CDH12: variants seen among roughly 807,000 people sequenced by gnomAD.
The protein encoded by CDH12 is cadherin-12.
CDH12 carries 41 observed loss-of-function variants against 74.1 expected under a neutral mutation model. That is an observed-to-expected ratio of 0.55 (90% CI 0.43 to 0.72). The LOEUF (loss-of-function observed/expected upper bound fraction) is 0.72, where lower values mean the gene tolerates loss of function less well. Ranked by LOEUF, CDH12 falls within the 30% of genes least tolerant of loss-of-function variation. CDH12 has a pLI of 0.00. For synonymous variants in CDH12, 399 were observed against 355.0 expected, an observed-to-expected ratio of 1.12 and a Z score of -1.39; for missense variants, 945 against 977.2, an observed-to-expected ratio of 0.97 and a Z score of 0.44.
intron 1 of CDH12, among the ~76,000 whole-genome samples, chr5:22,524,535 T>C (rs139274592): frequency 6.7e-4 from 102 of 152,276 alleles, no homozygotes; most frequent in African/African-American, 2.4e-3. Flanking sequence ...CATGCATATA[T>C]TATATAAAAC....
chr5:21,933,092 T>C (rs972584521), intron 6 of CDH12, among the ~76,000 whole-genome samples: 8 of 151,882 alleles, frequency 5.3e-5, no homozygotes, highest in African/African-American at 1.9e-4. Context: ...ACATAACAAG[T>C]GGAAAATGTT....
chr5:21,835,925 G>A (rs1328544773), intron 8 of CDH12, among the ~76,000 whole-genome samples: 1 of 151,688 alleles, frequency 6.6e-6, no homozygotes, highest in Non-Finnish European at 1.5e-5. Context: ...TGGACATCTT[G>A]TAGTCCTTCT....
At chr5:22,386,607 G>T (rs181467567) in intron 3 of CDH12, among the ~76,000 whole-genome samples, 1 of 151,758 alleles carries the variant, frequency 6.6e-6, no homozygotes, top group Non-Finnish European at 1.5e-5. Flanking sequence ...ATTATTCTTA[G>T]TTTCCTGCTA....
chr5:22,261,592 T>G (rs1385722770), intron 3 of CDH12, among the ~76,000 whole-genome samples: 1 of 152,088 alleles, frequency 6.6e-6, no homozygotes, highest in East Asian at 1.9e-4. Flanking sequence ...TAAATTTGTT[T>G]TGCCAATTTT....
At chr5:22,214,747 C>T (rs930512195) in intron 3 of CDH12, among the ~76,000 whole-genome samples, 3 of 152,308 alleles carry the variant, frequency 2.0e-5, no homozygotes, top group African/African-American at 4.8e-5. Flanking sequence ...GCACACGAAA[C>T]TTTGTGCCAT....
At chr5:22,053,915 G>C (rs901011677) in intron 5 of CDH12, among the ~76,000 whole-genome samples, 6 of 152,006 alleles carry the variant, frequency 3.9e-5, no homozygotes, top group African/African-American at 1.4e-4. Flanking sequence ...AAGTCACCAA[G>C]AATCATCTTC....
At chr5:21,775,408 G>A (rs564866648) in intron 11 of CDH12, among the ~76,000 whole-genome samples, 7 of 152,236 alleles carry the variant, frequency 4.6e-5, no homozygotes, top group South Asian at 4.1e-4. Flanking sequence ...CACAGGTAGA[G>A]GAGATAGAAT....
At chr5:21,898,185 G>T (rs1579929679) in intron 6 of CDH12, among the ~76,000 whole-genome samples, 1 of 151,998 alleles carries the variant, frequency 6.6e-6, no homozygotes, top group Non-Finnish European at 1.5e-5. Flanking sequence ...GGGCCTTTTA[G>T]TATACATTAA....
At chr5:22,332,056 A>C (rs938834913) in intron 3 of CDH12, among the ~76,000 whole-genome samples, 1 of 152,182 alleles carries the variant, frequency 6.6e-6, no homozygotes, top group Non-Finnish European at 1.5e-5. Flanking sequence ...ACTGACCTTA[A>C]AAAGGAGATA....
intron 2 of CDH12, among the ~76,000 whole-genome samples, chr5:22,463,094 A>C (rs2126589324): frequency 6.6e-6 from 1 of 152,330 alleles, no homozygotes; most frequent in African/African-American, 2.4e-5. Flanking sequence ...TCAAGAAAGT[A>C]TCCAAACTAA....
At chr5:22,118,789 A>C (rs1426493976) in intron 4 of CDH12, among the ~76,000 whole-genome samples, 1 of 152,042 alleles carries the variant, frequency 6.6e-6, no homozygotes, top group Non-Finnish European at 1.5e-5. Flanking sequence ...TCTGCATCAT[A>C]CATCTGAACG....
At chr5:22,737,459 A>G (rs1287313134) in intron 1 of CDH12, among the ~76,000 whole-genome samples, 1 of 152,020 alleles carries the variant, frequency 6.6e-6, no homozygotes, top group Non-Finnish European at 1.5e-5. Flanking sequence ...TAACTGATTA[A>G]AAGTATTAGT....
chr5:22,337,933 G>A (rs1739663133), intron 3 of CDH12, among the ~76,000 whole-genome samples: 1 of 152,164 alleles, frequency 6.6e-6, no homozygotes, highest in African/African-American at 2.4e-5. Context: ...ATGCTTGTGA[G>A]GGTGTGGAGG....
intron 6 of CDH12, among the ~76,000 whole-genome samples, chr5:21,873,967 G>A (rs1023037152): frequency 6.6e-6 from 1 of 152,088 alleles, no homozygotes; most frequent in African/African-American, 2.4e-5. Context: ...AGTATTCCAT[G>A]GTGTGTTTGT....
intron 1 of CDH12, among the ~76,000 whole-genome samples, chr5:22,566,497 CA>C (rs753895344): frequency 3.4e-4 from 52 of 152,152 alleles, no homozygotes; most frequent in Non-Finnish European, 7.1e-4. Context: ...CCTCAGCTCC[CA>C]AAGTGCTGGG....
At chr5:22,235,854 C>A (rs1015878489) in intron 3 of CDH12, among the ~76,000 whole-genome samples, 3 of 152,124 alleles carry the variant, frequency 2.0e-5, no homozygotes, top group African/African-American at 7.2e-5. Flanking sequence ...ATTGGGTGAA[C>A]ATCACAGTGT....
chr5:21,833,034 A>ATGTTATG (rs1181607554), intron 8 of CDH12, among the ~76,000 whole-genome samples: 1 of 56,292 alleles, frequency 1.8e-5, no homozygotes, highest in African/African-American at 8.0e-5. Context: ...TATATAATAT[A>ATGTTATG]TAATATATAA....
At position 22,039,586 on chromosome 5, in the gene CDH12, A is replaced by G. The variant is rs115927016; in HGVS notation, c.231+38860T>C. On this transcript the variant is annotated intron_variant, in intron 5 of 14. Transcript: ENST00000382254. ...AGGATCAGCTCTACTAAATATTCCC[A>G]TTTTGGATAAAGTGAGAATAAGAGG... is the stretch of plus-strand genomic sequence containing the variant. 4.0e-3 allele frequency among the ~76,000 whole-genome samples: 610 copies of G among 152,208 alleles called. 8 individuals are homozygous for G. The highest frequency in any genetic ancestry group is 0.014 in the Middle Eastern group (4 of 294).
chr5:21,977,415 A>C (rs529382287), intron 5 of CDH12, among the ~76,000 whole-genome samples: 1 of 152,224 alleles, frequency 6.6e-6, no homozygotes, highest in East Asian at 1.9e-4. Flanking sequence ...TTTGCTTTCA[A>C]ATTTATCTAA....
Sources: gnomAD v4.1 joint callset for allele counts (sites outside exome capture counted in the v4.1 genomes callset) on GRCh38, gnomAD v4.1.1 for gene constraint, MANE v1.5 for transcripts, NCBI Gene and HGNC (gene_info 2026-07-23, HGNC 2026-07-21) for gene names.